Variants in NCMAP observed in about 807,000 individuals in gnomAD.
NCMAP encodes the protein noncompact myelin-associated protein.
In NCMAP, 8 loss-of-function variants were observed where a neutral mutation model predicts 7.8. The ratio of observed to expected loss-of-function variants is 1.02; its 90% CI spans 0.60 to 1.84. NCMAP has a LOEUF of 1.84. NCMAP is among the 40% of genes most tolerant of loss of function. The probability of loss-of-function intolerance (pLI) is 0.00; values close to 1 mark genes in which losing one functional copy is unlikely to be tolerated. For synonymous variants in NCMAP, 41 were observed against 52.9 expected (o/e 0.78, Z 0.98); for missense variants, 112 against 131.4 (o/e 0.85, Z 0.72).
chr1:24,588,352 C>T (rs1385311985), intron 1 of NCMAP, among the ~76,000 whole-genome samples: 1 of 152,188 alleles, frequency 6.6e-6, no homozygotes, highest in Non-Finnish European at 1.5e-5. Context: ...CTGAATCTCC[C>T]ATCCCTCAGG....
At chr1:24,597,930 T>A (rs993172805) in intron 2 of NCMAP, among the ~76,000 whole-genome samples, 7 of 152,034 alleles carry the variant, frequency 4.6e-5, no homozygotes, top group Non-Finnish European at 1.5e-5. Context: ...CAGGGGCCAT[T>A]TGGCATTGTC....
chr1:24,557,485 A>T lies in NCMAP; in HGVS notation c.-8+1316A>T, dbSNP rs1382727116. The stretch of plus-strand genomic sequence containing the variant: ...TGTGCGTGTGTGTGTTGGTGGTGGT[A>T]GTAGAAAGTGACAGGCACAGCCAGA... On this transcript the variant is annotated intron_variant, in intron 1 of 3. Coordinates refer to ENST00000374392, the MANE Select transcript of NCMAP (RefSeq NM_001010980.5). 2.0e-5 allele frequency among the ~76,000 whole-genome samples: 3 copies of T among 152,040 alleles called. No individual in the cohort carries two copies. In the East Asian group the frequency reaches 5.8e-4, roughly 29 times the overall value.
At chr1:24,579,494 G>A (rs1651685714) in intron 1 of NCMAP, among the ~76,000 whole-genome samples, 1 of 152,094 alleles carries the variant, frequency 6.6e-6, no homozygotes. Flanking sequence ...TAGCAATTTG[G>A]GAGGCTGAGG....
chr1:24,573,952 CAA>C (rs78594011), intron 1 of NCMAP, among the ~76,000 whole-genome samples: 8,884 of 84,502 alleles, frequency 0.11, 326 homozygotes, highest in Middle Eastern at 0.18. Flanking sequence ...CCAGAGAGGA[CAA>C]AAAAAAAAAA....
At chr1:24,568,577 T>G (rs944796819) in intron 1 of NCMAP, among the ~76,000 whole-genome samples, 3 of 152,162 alleles carry the variant, frequency 2.0e-5, no homozygotes, top group African/African-American at 2.4e-5. Context: ...ATATTTATTA[T>G]TATTAGTAGT....
At chr1:24,563,169 A>G (rs1334701456) in intron 1 of NCMAP, among the ~76,000 whole-genome samples, 2 of 152,262 alleles carry the variant, frequency 1.3e-5, no homozygotes, top group African/African-American at 4.8e-5. Context: ...TACAAGAACA[A>G]AAAGTCACAG....
At chr1:24,581,888 T>A (rs1271459427) in intron 1 of NCMAP, among the ~76,000 whole-genome samples, 2 of 152,196 alleles carry the variant, frequency 1.3e-5, no homozygotes, top group African/African-American at 4.8e-5. Flanking sequence ...ACAGATGGGA[T>A]AGAATTCTGG....
At chr1:24,587,985 G>A (rs72886110) in intron 1 of NCMAP, among the ~76,000 whole-genome samples, 5,381 of 151,926 alleles carry the variant, frequency 0.035, 308 homozygotes, top group African/African-American at 0.12. Context: ...AGGAGCGGAG[G>A]TTTAATAGGC....
chr1:24,570,580 G>A (rs1651360102), intron 1 of NCMAP, among the ~76,000 whole-genome samples: 2 of 150,954 alleles, frequency 1.3e-5, no homozygotes. Flanking sequence ...TTATATTCCT[G>A]GGATTCAGAT....
chr1:24,572,326 G>A (rs780443000), intron 1 of NCMAP, among the ~76,000 whole-genome samples: 9 of 150,794 alleles, frequency 6.0e-5, no homozygotes, highest in South Asian at 2.1e-4. Context: ...GGACTCTCCC[G>A]TCCAAGGTAA....
At chr1:24,563,440 T>C (rs1279951086) in intron 1 of NCMAP, among the ~76,000 whole-genome samples, 1 of 151,238 alleles carries the variant, frequency 6.6e-6, no homozygotes, top group Non-Finnish European at 1.5e-5. Flanking sequence ...GAGAATCACT[T>C]GAACCTGGGA....
intron 2 of NCMAP, among the ~76,000 whole-genome samples, chr1:24,599,985 A>T (rs1652419933): frequency 1.4e-5 from 2 of 146,710 alleles, no homozygotes; most frequent in Non-Finnish European, 3.0e-5. Context: ...TTATTTAAAA[A>T]CTATAACGGG....
At chr1:24,591,776 C>T (rs941495337) in intron 1 of NCMAP, among the ~76,000 whole-genome samples, 12 of 152,018 alleles carry the variant, frequency 7.9e-5, no homozygotes, top group Admixed American at 5.2e-4. Context: ...GAGGGGTAGA[C>T]AAGAGCTAGG....
intron 1 of NCMAP, among the ~76,000 whole-genome samples, chr1:24,586,312 C>T (rs2148932659): frequency 6.6e-6 from 1 of 152,316 alleles, no homozygotes; most frequent in South Asian, 2.1e-4. Flanking sequence ...TCCAAATCAA[C>T]ACGGTCAAGG....
chr1:24,597,672 A>AAAG (rs1345395712), intron 2 of NCMAP, among the ~76,000 whole-genome samples: 2,066 of 99,156 alleles, frequency 0.021, 45 homozygotes, highest in Middle Eastern at 0.036. Context: ...AGAAAGAAAG[A>AAAG]AAAGAAAAAG....
chr1:24,601,732 C>G (rs1218484313), intron 3 of NCMAP, among the ~76,000 whole-genome samples: 1 of 152,066 alleles, frequency 6.6e-6, no homozygotes, highest in African/African-American at 2.4e-5. Context: ...TAGCAAGACC[C>G]TGTCTATACA....
intron 1 of NCMAP, among the ~76,000 whole-genome samples, chr1:24,588,799 G>T (rs1398063568): frequency 6.6e-6 from 1 of 152,164 alleles, no homozygotes; most frequent in Non-Finnish European, 1.5e-5. Flanking sequence ...CCAAGGGCAG[G>T]AGTAGTTGGG....
At chr1:24,589,746 A>G (rs993264357) in intron 1 of NCMAP, 3 of 152,272 alleles carry the variant, frequency 2.0e-5, no homozygotes, top group South Asian at 2.1e-4. Flanking sequence ...AGACGTTGCC[A>G]CATGCAACAC....
chr1:24,605,501 A>G lies in NCMAP; in HGVS notation c.168-105A>G, dbSNP rs550910947. The G allele has an allele frequency of 5.3e-6, 7 of 1,315,408 alleles. No homozygotes were observed. The African/African-American group carries it at 7.4e-5, about 14-fold the overall frequency. 81.5% of individuals were successfully genotyped at this position (1,315,408 alleles called of 1,614,324 possible). A position where few individuals can be genotyped will look rare whatever the true frequency, so the allele number is the denominator to read the frequency against. On this transcript the variant is annotated intron_variant, in intron 3 of 3. Transcript: ENST00000374392. ...AAGTAAGCAATGTGATTTAATGTCT[A>G]CATTAATCTACATTAATCTGTTGGC...
Sources: gnomAD v4.1 joint callset for allele counts (sites outside exome capture counted in the v4.1 genomes callset) on GRCh38, gnomAD v4.1.1 for gene constraint, MANE v1.5 for transcripts, NCBI Gene and HGNC (gene_info 2026-07-23, HGNC 2026-07-21) for gene names.